The following GRAMD1B variants were observed in gnomAD, a reference collection of about 807,000 sequenced individuals.
The protein encoded by GRAMD1B is GRAM domain containing 1B.
Under a neutral mutation model 99.7 loss-of-function variants are expected in GRAMD1B, and 37 were observed. The observed-to-expected ratio is 0.37, with a 90% CI of 0.29 to 0.49. The LOEUF (loss-of-function observed/expected upper bound fraction) is 0.49. Among genes scored for constraint, GRAMD1B ranks in the 20% least tolerant of loss-of-function variants. The pLI, the probability that GRAMD1B is intolerant of heterozygous loss-of-function variation, is 0.98. For synonymous variants in GRAMD1B, 427 were observed against 387.6 expected (o/e 1.10, Z -1.19); for missense variants, 888 against 1,009.2 (o/e 0.88, Z 1.63).
intron 1 of GRAMD1B, among the ~76,000 whole-genome samples, chr11:123,462,953 A>G (rs1056422630): frequency 6.6e-6 from 1 of 151,098 alleles, no homozygotes; most frequent in Non-Finnish European, 1.5e-5. Context: ...GTTTGCTCAT[A>G]GACGTGCCAT....
At chr11:123,594,886 G>A in intron 6 of GRAMD1B, 48 bp downstream of exon 6, 1 of 946,638 alleles carries the variant, frequency 1.1e-6, no homozygotes, top group Non-Finnish European at 1.8e-6. Flanking sequence ...GGCTATGGCT[G>A]AGCAAGCTGC....
rs2136498291 is a variant in GRAMD1B at position 123,591,770 on chromosome 11, A to G, written c.685-2312A>G. On this transcript the variant is annotated intron_variant, in intron 4 of 19. Coordinates refer to ENST00000635736, the MANE Select transcript of GRAMD1B (RefSeq NM_001387025.1). The surrounding 1 kb of genome is among the most constrained non-coding windows in gnomAD (Gnocchi z 4.7). Reference sequence around the variant, plus strand: ...GCATGGTGGCAGGCCCAGCATGCCCAACTGATGAGCCTGCCATGCACACAA... The same window carrying G: ...GCATGGTGGCAGGCCCAGCATGCCCGACTGATGAGCCTGCCATGCACACAA... Among the ~76,000 whole-genome samples the G allele has an allele frequency of 6.6e-6, 1 of 152,254 alleles. No homozygotes were observed. The highest frequency in any genetic ancestry group is 1.5e-5 in the Non-Finnish European group (1 of 68,022).
At chr11:123,528,498 A>C (rs1188024964) in intron 2 of GRAMD1B, among the ~76,000 whole-genome samples, 2 of 152,184 alleles carry the variant, frequency 1.3e-5, no homozygotes, top group Non-Finnish European at 2.9e-5. Context: ...TATGATAAGA[A>C]TCCCCATTTT....
chr11:123,509,356 T>C lies in GRAMD1B; in HGVS notation c.452+28463T>C, dbSNP rs562525384. 1.3e-5 allele frequency among the ~76,000 whole-genome samples: 2 copies of C among 152,338 alleles called. 1 individual carries two copies. Among genetic ancestry groups the C allele is most frequent in the African/African-American group, 4.8e-5 (2 of 41,592 alleles). Reference sequence around the variant, plus strand: ...GGTTAGCATGTTTCAGGGGCTGCTATAGGGGAGCTGTTGGGGGAAAATGAT... The same window carrying C: ...GGTTAGCATGTTTCAGGGGCTGCTACAGGGGAGCTGTTGGGGGAAAATGAT... On this transcript the variant is annotated intron_variant, in intron 2 of 19. Transcript: ENST00000635736.
At chr11:123,618,243 C>A in intron 17 of GRAMD1B, 1 of 919,412 alleles carries the variant, frequency 1.1e-6, no homozygotes, top group Non-Finnish European at 1.8e-6. Flanking sequence ...CATATACTCT[C>A]ACTCACTCCC....
At chr11:123,574,346 T>A (rs1252732717) in intron 2 of GRAMD1B, among the ~76,000 whole-genome samples, 1 of 152,172 alleles carries the variant, frequency 6.6e-6, no homozygotes, top group African/African-American at 2.4e-5. Flanking sequence ...ATGTGGGAGC[T>A]ACTAGAACAC....
chr11:123,513,784 G>A (rs1411964921), intron 2 of GRAMD1B, among the ~76,000 whole-genome samples: 1 of 151,676 alleles, frequency 6.6e-6, no homozygotes, highest in Non-Finnish European at 1.5e-5. Flanking sequence ...AGCCTCCTGA[G>A]CAGGTGGGAC....
In GRAMD1B at chr11:123,618,673, T is replaced by C. The variant is rs753833043; in HGVS notation, c.2319-20T>C. 27 of 1,359,510 alleles carry C rather than the reference T, an allele frequency of 2.0e-5. 1 individual carries two copies. The highest frequency in any genetic ancestry group is 1.8e-4 in the Middle Eastern group (1 of 5,606). The allele number at this position is 1,359,510 out of a possible 1,614,324, so 84.2% of individuals were successfully genotyped here. ...TGACATCTCACTGCTGATGTTTTTT[T>C]CCCCACGTCTCCTTCCTAGTCTGGT... On this transcript the variant is annotated intron_variant, in intron 17 of 19. Transcript: ENST00000635736.
intron 2 of GRAMD1B, among the ~76,000 whole-genome samples, chr11:123,528,411 A>T (rs1050543704): frequency 6.6e-6 from 1 of 152,220 alleles, no homozygotes; most frequent in Non-Finnish European, 1.5e-5. Context: ...GTAAATACTG[A>T]TAAGAACAAT....
At chr11:123,486,566 A>AG (rs1937813723) in intron 2 of GRAMD1B, among the ~76,000 whole-genome samples, 2 of 148,128 alleles carry the variant, frequency 1.4e-5, no homozygotes, top group South Asian at 4.3e-4. Context: ...AAAAAAAAAA[A>AG]AAACAAAAAG....
At chr11:123,448,031 T>C (rs1245735639) in intron 1 of GRAMD1B, among the ~76,000 whole-genome samples, 1 of 145,638 alleles carries the variant, frequency 6.9e-6, no homozygotes, top group Non-Finnish European at 1.5e-5. Context: ...TATATATGTA[T>C]TTAAAAAAAA....
intron 2 of GRAMD1B, among the ~76,000 whole-genome samples, chr11:123,487,319 G>A (rs775719385): frequency 1.3e-5 from 2 of 152,172 alleles, no homozygotes; most frequent in Non-Finnish European, 2.9e-5. Context: ...CTGTGCTTCA[G>A]CTGAGAACTG....
At chr11:123,391,862 T>A (rs1312262375) in intron 1 of GRAMD1B, among the ~76,000 whole-genome samples, 1 of 152,240 alleles carries the variant, frequency 6.6e-6, no homozygotes, top group African/African-American at 2.4e-5. Context: ...GTGGAATCAC[T>A]GCTCTTTCCA....
At chr11:123,619,994 G>A (rs934659750) in intron 19 of GRAMD1B, among the ~76,000 whole-genome samples, 4 of 152,134 alleles carry the variant, frequency 2.6e-5, no homozygotes, top group African/African-American at 9.7e-5. Flanking sequence ...AGCCAGAGAC[G>A]GCATCCCAGC....
Position 123,530,778 on chromosome 11 carries a change from C to T in GRAMD1B, c.453-46589C>T, listed in dbSNP as rs1388049391. Among the ~76,000 whole-genome samples the T allele has an allele frequency of 2.6e-5, 4 of 152,192 alleles. No homozygotes were observed. The East Asian group carries it at 5.8e-4, about 22-fold the overall frequency. ...GAGCCAGGCTTCCCAGCTATGGAAA[C>T]GTTTATCAGGAGGTGAGTTGCGGTG... is the stretch of plus-strand genomic sequence containing the variant. On this transcript the variant is annotated intron_variant, in intron 2 of 19. Transcript: ENST00000635736.
At chr11:123,606,357 C>G (rs1023354213) in intron 10 of GRAMD1B, among the ~76,000 whole-genome samples, 4 of 152,210 alleles carry the variant, frequency 2.6e-5, no homozygotes, top group African/African-American at 9.6e-5. Context: ...CTGTGGGGAC[C>G]AGCTCTGTGC....
intron 1 of GRAMD1B, among the ~76,000 whole-genome samples, chr11:123,475,258 C>G (rs1483147714): frequency 1.3e-5 from 2 of 152,166 alleles, no homozygotes; most frequent in East Asian, 3.9e-4. Flanking sequence ...GTGAATTTCT[C>G]CCTTGTGGAG....
chr11:123,544,188 A>G (rs78737411), intron 2 of GRAMD1B, among the ~76,000 whole-genome samples: 1 of 152,344 alleles, frequency 6.6e-6, no homozygotes, highest in African/African-American at 2.4e-5. Flanking sequence ...TACAAGACAC[A>G]CATGGAGTGG....
In GRAMD1B at chr11:123,622,335, T is replaced by C. The variant is rs79481572; in HGVS notation, c.2545-171T>C. 3.9e-3 allele frequency among the ~76,000 whole-genome samples: 592 copies of C among 152,278 alleles called. 5 individuals carry two copies. Among genetic ancestry groups the C allele is most frequent in the African/African-American group, 0.013 (561 of 41,564 alleles). ...ACTGCACCCAGCCTGACTGTCCCCT[T>C]TCTGTTTGAAACAGTGTTGAGAACC... On this transcript the variant is annotated intron_variant, in intron 19 of 19. Coordinates refer to ENST00000635736, the MANE Select transcript of GRAMD1B (RefSeq NM_001387025.1).
Sources: gnomAD v4.1 joint callset for allele counts (sites outside exome capture counted in the v4.1 genomes callset) on GRCh38, gnomAD v4.1.1 for gene constraint, Gnocchi (gnomAD v3.1) non-coding constraint, MANE v1.5 for transcripts, NCBI Gene and HGNC (gene_info 2026-07-23, HGNC 2026-07-21) for gene names.